Variants in DISC1 observed in about 807,000 individuals in gnomAD.
The protein encoded by DISC1 is DISC1 scaffold protein.
A neutral mutation model predicts 84.5 loss-of-function variants in DISC1; 57 were observed. The ratio of observed to expected loss-of-function variants is 0.67; its 90% confidence interval spans 0.55 to 0.84. The LOEUF (loss-of-function observed/expected upper bound fraction) is 0.84. Among genes scored for constraint, DISC1 ranks in the 40% least tolerant of loss-of-function variants. The pLI is 0.00. For missense variants in DISC1, 1,000 were observed against 1,057.8 expected, an observed-to-expected ratio of 0.95 and a Z score of 0.76; for synonymous variants, 411 against 415.2, an observed-to-expected ratio of 0.99 and a Z score of 0.12.
At chr1:231,634,174 G>A (rs562341506) in intron 1 of DISC1, among the ~76,000 whole-genome samples, 6 of 152,184 alleles carry the variant, frequency 3.9e-5, no homozygotes, top group African/African-American at 1.4e-4. Context: ...GTGAGCCACC[G>A]CGCCTGGCCT....
At chr1:231,722,610 C>G in intron 3 of DISC1, 1 of 1,614,148 alleles carries the variant, frequency 6.2e-7, no homozygotes, top group Non-Finnish European at 8.5e-7. Context: ...AATGAAACTT[C>G]CCAAATTTAA....
intron 3 of DISC1, among the ~76,000 whole-genome samples, chr1:231,705,319 AT>A (rs1479399543): frequency 4.4e-5 from 3 of 68,536 alleles, no homozygotes; most frequent in Admixed American, 1.6e-4. Context: ...AAAAAAAATC[AT>A]TAAAAAAAAA....
At chr1:231,922,952 A>T (rs906419966) in intron 9 of DISC1, among the ~76,000 whole-genome samples, 10 of 152,138 alleles carry the variant, frequency 6.6e-5, no homozygotes, top group Non-Finnish European at 1.2e-4. Flanking sequence ...TAAAACAGCC[A>T]AAATGGTTTT....
intron 9 of DISC1, among the ~76,000 whole-genome samples, chr1:231,832,215 T>A (rs1414923219): frequency 2.0e-5 from 3 of 152,052 alleles, no homozygotes; most frequent in African/African-American, 7.3e-5. Context: ...TTGGAAGTTA[T>A]GAGAACTGTA....
At chr1:231,945,732 G>A (rs1657048079) in intron 9 of DISC1, among the ~76,000 whole-genome samples, 1 of 152,000 alleles carries the variant, frequency 6.6e-6, no homozygotes. Context: ...TAATAAAGAA[G>A]AATAGAGAGA....
chr1:231,673,337 T>G (rs972232145), intron 1 of DISC1, among the ~76,000 whole-genome samples: 1 of 152,086 alleles, frequency 6.6e-6, no homozygotes. Context: ...TTTAAGAAAC[T>G]GGGGTCTCTC....
intron 3 of DISC1, among the ~76,000 whole-genome samples, chr1:231,713,765 A>T (rs2068242850): frequency 7.1e-6 from 1 of 141,034 alleles, no homozygotes; most frequent in South Asian, 2.2e-4. Flanking sequence ...TATATAGGAG[A>T]TATATATATA....
chr1:231,940,348 A>G (rs1203340181), intron 9 of DISC1, among the ~76,000 whole-genome samples: 2 of 152,074 alleles, frequency 1.3e-5, no homozygotes, highest in Non-Finnish European at 2.9e-5. Context: ...TTGGTTTCCC[A>G]TGGCTTGGTG....
Position 232,036,952 on chromosome 1 carries a change from T to C in DISC1, c.*121T>C. 1 of 1,135,948 alleles carries C rather than the reference T, an allele frequency of 8.8e-7. No individual in the cohort carries two copies. The highest frequency in any genetic ancestry group is 1.2e-6 in the Non-Finnish European group (1 of 855,504). The allele number at this position is 1,135,948 out of a possible 1,614,324, so 70.4% of individuals were successfully genotyped here. On this transcript the variant is annotated 3_prime_UTR_variant, in exon 13 of 13. Transcript: ENST00000439617. ...TACGGAGATACAGAGCCTTGAGGTCTTTCAGTGGAAAGGTGGTTCATGTTC... is the reference window on the plus strand; with the variant it reads ...TACGGAGATACAGAGCCTTGAGGTCCTTCAGTGGAAAGGTGGTTCATGTTC...
chr1:231,961,407 T>C (rs1660361119), intron 10 of DISC1, among the ~76,000 whole-genome samples: 1 of 152,156 alleles, frequency 6.6e-6, no homozygotes, highest in Non-Finnish European at 1.5e-5. Context: ...TATTTTAGAT[T>C]CAGGGGGTAT....
At position 232,037,699 on chromosome 1, in the gene DISC1, C is replaced by T. The variant is rs546545506; in HGVS notation, c.*868C>T. On this transcript the variant is annotated 3_prime_UTR_variant, in exon 13 of 13. Transcript: ENST00000439617. Reference sequence around the variant, plus strand: ...TCAGTAACACAATACAGTACTCAGGCAGTGCAGTACTCAGTAAGACAGTGC... The same window carrying T: ...TCAGTAACACAATACAGTACTCAGGTAGTGCAGTACTCAGTAAGACAGTGC... 11 of 151,936 alleles carry T rather than the reference C, an allele frequency of 7.2e-5. No individual in the cohort carries two copies. The highest frequency in any genetic ancestry group is 2.7e-4 in the African/African-American group (11 of 41,364). The allele number at this position is 151,936 out of a possible 1,614,324, so 9.4% of individuals were successfully genotyped here. A position where few individuals can be genotyped will look rare whatever the true frequency, so the allele number is the denominator to read the frequency against.
intron 9 of DISC1, among the ~76,000 whole-genome samples, chr1:231,936,905 C>A (rs991708714): frequency 6.6e-6 from 1 of 152,184 alleles, no homozygotes; most frequent in Non-Finnish European, 1.5e-5. Flanking sequence ...CCTGTACAAT[C>A]AAAAACTGAG....
chr1:231,753,537 T>C (rs995493181), intron 4 of DISC1, among the ~76,000 whole-genome samples: 9 of 152,180 alleles, frequency 5.9e-5, no homozygotes, highest in Non-Finnish European at 1.3e-4. Flanking sequence ...CTCCTCGGCC[T>C]CCAAGCCTAT....
chr1:231,805,384 G>A (rs1011505842), intron 8 of DISC1, among the ~76,000 whole-genome samples: 1 of 152,116 alleles, frequency 6.6e-6, no homozygotes, highest in African/African-American at 2.4e-5. Context: ...TGTACAGGAA[G>A]CATGGCAGCA....
intron 9 of DISC1, among the ~76,000 whole-genome samples, chr1:231,833,251 A>G (rs193186463): frequency 6.6e-6 from 1 of 151,330 alleles, no homozygotes; most frequent in African/African-American, 2.5e-5. Flanking sequence ...AGTTGGCACC[A>G]GAGTTGGGGA....
chr1:231,794,013 A>C (rs1338976927), intron 6 of DISC1, among the ~76,000 whole-genome samples: 1 of 152,028 alleles, frequency 6.6e-6, no homozygotes, highest in Non-Finnish European at 1.5e-5. Context: ...CGAACTCCTG[A>C]CTTCAGGTGA....
Position 231,958,996 on chromosome 1 carries a change from AT to A in DISC1, c.2042+110del, listed in dbSNP as rs1476105818. On this transcript the variant is annotated intron_variant, in intron 10 of 12. Transcript: ENST00000439617. ...AAAGGCTGGCCAGTTTCTCTAATAAATTAACAAAGAAAGACACAAAAAAGCC... is the reference window on the plus strand; with the variant it reads ...AAAGGCTGGCCAGTTTCTCTAATAAATAACAAAGAAAGACACAAAAAAGCC... 3.3e-5 allele frequency: 48 copies of A among 1,470,888 alleles called. No individual in the cohort carries two copies. In the South Asian group the frequency reaches 6.1e-4, roughly 19 times the overall value. 91.1% of individuals were successfully genotyped at this position (1,470,888 alleles called of 1,614,324 possible). A position where few individuals can be genotyped will look rare whatever the true frequency, so the allele number is the denominator to read the frequency against.
chr1:231,694,286 TC>T lies in DISC1; in HGVS notation c.529del (p.Leu177CysfsTer6). The stretch of plus-strand genomic sequence containing the variant: ...CAAGGCGTGTCCGGGCAGCAGGCTC[TC>T]TGCCATCAGCAGAGTTGAGTAGCAA... ...GARRVRAAGSLPSAELSSNSC... is the reference protein window; with the variant it reads ...GARRVRAAGSXPSAELSSNSC... On this transcript the variant is annotated frameshift_variant, in exon 2 of 13. Coordinates refer to ENST00000439617, the MANE Select transcript of DISC1 (RefSeq NM_018662.3). LOFTEE classifies it high-confidence loss of function. 6.2e-7 allele frequency: 1 copy of T among 1,614,258 alleles called. No individual in the cohort carries two copies. The highest frequency in any genetic ancestry group is 1.3e-5 in the African/African-American group (1 of 75,072).
chr1:231,755,737 C>A (rs2075048321), intron 4 of DISC1, among the ~76,000 whole-genome samples: 1 of 152,216 alleles, frequency 6.6e-6, no homozygotes, highest in Non-Finnish European at 1.5e-5. Context: ...TCTGAGGCAT[C>A]TCTGGATCCT....
Sources: allele counts gnomAD v4.1 joint callset (sites outside exome capture counted in the v4.1 genomes callset), GRCh38; gene constraint gnomAD v4.1.1; transcripts MANE v1.5; gene names NCBI Gene and HGNC (gene_info 2026-07-23, HGNC 2026-07-21).